The following PCP4 variants were observed in gnomAD, a reference collection of about 807,000 sequenced individuals.
PCP4 encodes the protein calmodulin regulator protein PCP4.
A neutral mutation model predicts 10.0 loss-of-function variants in PCP4; 8 were observed. The observed-to-expected ratio is 0.80, with a 90% CI of 0.47 to 1.45. The LOEUF (loss-of-function observed/expected upper bound fraction) is 1.45, where lower values mean the gene tolerates loss of function less well. PCP4 is among the 40% of genes most tolerant of loss of function. The probability of loss-of-function intolerance (pLI) is 0.00; values close to 1 mark genes in which losing one functional copy is unlikely to be tolerated. For synonymous variants in PCP4, 21 were observed against 23.0 expected (o/e 0.91, Z 0.24); for missense variants, 54 against 74.4 (o/e 0.73, Z 1.01).
chr21:39,917,666 A>T (rs1400815565), intron 2 of PCP4, among the ~76,000 whole-genome samples: 1 of 152,148 alleles, frequency 6.6e-6, no homozygotes, highest in Non-Finnish European at 1.5e-5. Context: ...AAGAGTCATG[A>T]CTTGAATTCA....
At chr21:39,880,982 T>G (rs2087372826) in intron 1 of PCP4, among the ~76,000 whole-genome samples, 1 of 152,182 alleles carries the variant, frequency 6.6e-6, no homozygotes, top group South Asian at 2.1e-4. Context: ...TTAGATGAGT[T>G]GGTTGTTCGT....
At chr21:39,889,528 T>TCA (rs1568853188) in intron 1 of PCP4, among the ~76,000 whole-genome samples, 42 of 140,990 alleles carry the variant, frequency 3.0e-4, no homozygotes, top group South Asian at 4.8e-4. Context: ...GCCATTCTCC[T>TCA]GCCTTAGCCT....
intron 1 of PCP4, among the ~76,000 whole-genome samples, chr21:39,880,494 T>TAC (rs1259586453): frequency 3.3e-5 from 5 of 152,304 alleles, no homozygotes; most frequent in East Asian, 1.9e-4. Context: ...TGTGAGTGTG[T>TAC]GTGTATACGT....
intron 1 of PCP4, among the ~76,000 whole-genome samples, chr21:39,878,531 G>T (rs16998774): frequency 0.035 from 5,269 of 152,236 alleles, 300 homozygotes; most frequent in African/African-American, 0.12. Flanking sequence ...TTGGGCTCTA[G>T]GGACTTGTTG....
intron 1 of PCP4, among the ~76,000 whole-genome samples, chr21:39,884,449 G>A (rs1293998537): frequency 6.6e-6 from 1 of 151,880 alleles, no homozygotes; most frequent in Admixed American, 6.5e-5. Flanking sequence ...AAAGTGCTGG[G>A]ATTACAGGAG....
At chr21:39,881,696 A>G (rs553698146) in intron 1 of PCP4, among the ~76,000 whole-genome samples, 219 of 152,226 alleles carry the variant, frequency 1.4e-3, no homozygotes, top group African/African-American at 5.1e-3. Flanking sequence ...ATACATTTCC[A>G]CAATGTTGCT....
chr21:39,923,912 G>A (rs774939278), intron 2 of PCP4, among the ~76,000 whole-genome samples: 20 of 152,202 alleles, frequency 1.3e-4, no homozygotes, highest in Non-Finnish European at 2.9e-4. Flanking sequence ...AAGCTTTACA[G>A]TGACATGACT....
At chr21:39,913,761 T>C (rs961057170) in intron 2 of PCP4, among the ~76,000 whole-genome samples, 3 of 152,166 alleles carry the variant, frequency 2.0e-5, no homozygotes, top group Non-Finnish European at 4.4e-5. Flanking sequence ...AGACCCCCTT[T>C]GGAGTTGCCA....
chr21:39,923,458 A>G (rs902109228), intron 2 of PCP4, among the ~76,000 whole-genome samples: 35 of 152,240 alleles, frequency 2.3e-4, no homozygotes, highest in African/African-American at 8.4e-4. Flanking sequence ...GCATGCCTGT[A>G]CAGTACTCCT....
At chr21:39,875,013 T>A (rs529712451) in intron 1 of PCP4, among the ~76,000 whole-genome samples, 48 of 152,340 alleles carry the variant, frequency 3.2e-4, no homozygotes, top group South Asian at 1.7e-3. Context: ...TTGCAACTTA[T>A]GAATTGTTTA....
At chr21:39,907,105 A>G (rs2087515251) in intron 2 of PCP4, among the ~76,000 whole-genome samples, 1 of 152,198 alleles carries the variant, frequency 6.6e-6, no homozygotes, top group Admixed American at 6.5e-5. Context: ...ATCTGGGATT[A>G]CAAAAGCACG....
rs180738466 is a variant in PCP4, at chr21:39,902,930, T to C, written c.61+4403T>C. On this transcript the variant is annotated intron_variant, in intron 2 of 2. Transcript: ENST00000328619. The stretch of plus-strand genomic sequence containing the variant: ...TTTCTGTCTCATTTAAATGGCTAAA[T>C]TAAATTCAAACATGTTTACAAATAT... 3.1e-3 allele frequency among the ~76,000 whole-genome samples: 465 copies of C among 152,290 alleles called. 4 individuals are homozygous for C. The highest frequency in any genetic ancestry group is 0.011 in the African/African-American group (445 of 41,560).
chr21:39,880,096 ATATCTATATC>A (rs370442844), intron 1 of PCP4, among the ~76,000 whole-genome samples: 1 of 150,788 alleles, frequency 6.6e-6, no homozygotes, highest in African/African-American at 2.5e-5. Context: ...ATGTCTGGAG[ATATCTATATC>A]TATCTATATC....
At chr21:39,873,272 A>G (rs915683675) in intron 1 of PCP4, among the ~76,000 whole-genome samples, 2 of 152,176 alleles carry the variant, frequency 1.3e-5, no homozygotes, top group African/African-American at 4.8e-5. Context: ...CCAGTGCCCA[A>G]TCTCCATCAG....
At chr21:39,917,804 G>T (rs1442102146) in intron 2 of PCP4, among the ~76,000 whole-genome samples, 1 of 152,104 alleles carries the variant, frequency 6.6e-6, no homozygotes, top group African/African-American at 2.4e-5. Context: ...AAATTCATGT[G>T]TTGAAGCCCT....
intron 1 of PCP4, among the ~76,000 whole-genome samples, chr21:39,892,882 G>A (rs1406471915): frequency 2.6e-5 from 4 of 152,112 alleles, no homozygotes; most frequent in African/African-American, 9.7e-5. Flanking sequence ...CTAGTCATTT[G>A]CAACAACATG....
intron 1 of PCP4, among the ~76,000 whole-genome samples, chr21:39,895,765 G>A (rs960854080): frequency 5.3e-5 from 8 of 152,156 alleles, no homozygotes; most frequent in Non-Finnish European, 8.8e-5. Context: ...ATGATTACCC[G>A]ACACCCAGCC....
intron 2 of PCP4, among the ~76,000 whole-genome samples, chr21:39,903,704 T>C (rs2087491892): frequency 6.6e-6 from 1 of 151,596 alleles, no homozygotes; most frequent in Non-Finnish European, 1.5e-5. Context: ...CCGTCTCTAC[T>C]AAAAATACAA....
chr21:39,872,781 G>A (rs2087326503), intron 1 of PCP4, among the ~76,000 whole-genome samples: 1 of 152,164 alleles, frequency 6.6e-6, no homozygotes, highest in Non-Finnish European at 1.5e-5. Context: ...AATAGGCCAG[G>A]CACCCTCTTC....
Sources: gnomAD v4.1 joint callset for allele counts (sites outside exome capture counted in the v4.1 genomes callset) on GRCh38, gnomAD v4.1.1 for gene constraint, MANE v1.5 for transcripts, NCBI Gene and HGNC (gene_info 2026-07-23, HGNC 2026-07-21) for gene names.